Variants in NCAM2 observed in about 807,000 individuals in gnomAD.
NCAM2 encodes the protein neural cell adhesion molecule 2, also known as N-CAM-2.
In NCAM2, 30 loss-of-function variants were observed where a neutral mutation model predicts 98.1. The observed-to-expected ratio is 0.31, with a 90% CI of 0.23 to 0.41. The LOEUF is 0.41. Ranked by LOEUF, NCAM2 falls within the 10% of genes least tolerant of loss-of-function variation. The pLI, the probability that NCAM2 is intolerant of heterozygous loss-of-function variation, is 1.00. For missense variants in NCAM2, 867 were observed against 1,005.8 expected (o/e 0.86, Z 1.87); for synonymous variants, 368 against 342.4 (o/e 1.07, Z -0.83).
chr21:21,526,602 T>C (rs1989335858), intron 16 of NCAM2, among the ~76,000 whole-genome samples: 1 of 152,052 alleles, frequency 6.6e-6, no homozygotes, highest in Non-Finnish European at 1.5e-5. Context: ...CACAAGTCAT[T>C]ATATGAATAT....
At chr21:21,302,470 T>C (rs915198256) in intron 5 of NCAM2, among the ~76,000 whole-genome samples, 1 of 152,066 alleles carries the variant, frequency 6.6e-6, no homozygotes, top group African/African-American at 2.4e-5. Context: ...ATGTGTCTGT[T>C]TTTTCTGTAC....
chr21:21,144,657 C>T (rs910689449), intron 1 of NCAM2, among the ~76,000 whole-genome samples: 1 of 151,906 alleles, frequency 6.6e-6, no homozygotes, highest in Non-Finnish European at 1.5e-5. Flanking sequence ...CTTTGAATTC[C>T]CCTTGAAATA....
intron 10 of NCAM2, among the ~76,000 whole-genome samples, chr21:21,415,717 T>C (rs778380092): frequency 3.3e-5 from 5 of 152,186 alleles, no homozygotes; most frequent in Non-Finnish European, 5.9e-5. Flanking sequence ...GTTATAAAGA[T>C]GGCTTCTTCC....
At chr21:21,005,447 A>G (rs898016520) in intron 1 of NCAM2, among the ~76,000 whole-genome samples, 2 of 152,192 alleles carry the variant, frequency 1.3e-5, no homozygotes, top group African/African-American at 4.8e-5. Context: ...ATTTTCAGTA[A>G]TTTTTAACTT....
chr21:21,020,227 G>A (rs1164839781), intron 1 of NCAM2, among the ~76,000 whole-genome samples: 1 of 152,066 alleles, frequency 6.6e-6, no homozygotes, highest in African/African-American at 2.4e-5. Flanking sequence ...GAAGAGATGG[G>A]GTTTCACCGT....
chr21:21,204,530 G>A (rs1020209652), intron 1 of NCAM2, among the ~76,000 whole-genome samples: 1 of 152,154 alleles, frequency 6.6e-6, no homozygotes, highest in African/African-American at 2.4e-5. Flanking sequence ...GCTTTTTAAG[G>A]CTGAAAAGAA....
chr21:21,206,364 T>G (rs1951033346), intron 1 of NCAM2, among the ~76,000 whole-genome samples: 1 of 152,168 alleles, frequency 6.6e-6, no homozygotes, highest in African/African-American at 2.4e-5. Context: ...CTTCAAAAAC[T>G]TATTTAAATT....
At chr21:21,259,593 G>A (rs1601791849) in intron 1 of NCAM2, among the ~76,000 whole-genome samples, 1 of 152,060 alleles carries the variant, frequency 6.6e-6, no homozygotes, top group East Asian at 1.9e-4. Context: ...CTGAACTGGA[G>A]CCCAAAATTC....
intron 1 of NCAM2, among the ~76,000 whole-genome samples, chr21:21,119,676 G>A (rs989335848): frequency 6.6e-6 from 1 of 151,428 alleles, no homozygotes; most frequent in African/African-American, 2.4e-5. Flanking sequence ...AAGAAGATTT[G>A]TTTATGAAGT....
intron 9 of NCAM2, among the ~76,000 whole-genome samples, chr21:21,393,589 G>T (rs1264247476): frequency 6.6e-6 from 1 of 151,886 alleles, no homozygotes; most frequent in African/African-American, 2.4e-5. Context: ...ATTTTATTTG[G>T]ATATATGCAG....
intron 15 of NCAM2, among the ~76,000 whole-genome samples, chr21:21,498,690 G>A (rs1033210591): frequency 6.6e-6 from 1 of 152,220 alleles, no homozygotes; most frequent in East Asian, 1.9e-4. Flanking sequence ...CAGAGTAAAA[G>A]ATTAGAACAC....
chr21:21,335,809 AC>A, intron 7 of NCAM2, 144 bp downstream of exon 7: 1 of 777,842 alleles, frequency 1.3e-6, no homozygotes, highest in Non-Finnish European at 1.8e-6. Context: ...AATTTCAGCT[AC>A]CAGATAGAAT....
At chr21:21,352,025 C>A (rs1337583803) in intron 8 of NCAM2, among the ~76,000 whole-genome samples, 2 of 151,872 alleles carry the variant, frequency 1.3e-5, no homozygotes, top group Non-Finnish European at 2.9e-5. Flanking sequence ...GCTGGGATTG[C>A]AGGCTCTCAT....
At chr21:21,511,914 A>G (rs1327187638) in intron 16 of NCAM2, among the ~76,000 whole-genome samples, 2 of 151,976 alleles carry the variant, frequency 1.3e-5, no homozygotes, top group African/African-American at 4.8e-5. Flanking sequence ...ATGTCTATCC[A>G]GATCACTTGC....
intron 12 of NCAM2, among the ~76,000 whole-genome samples, chr21:21,453,015 A>ATAT (rs1981533862): frequency 9.4e-6 from 1 of 106,198 alleles, no homozygotes; most frequent in African/African-American, 3.8e-5. Flanking sequence ...TAATATATAA[A>ATAT]AATATATAAT....
At chr21:21,230,170 G>GA (rs1020488384) in intron 1 of NCAM2, among the ~76,000 whole-genome samples, 6 of 149,456 alleles carry the variant, frequency 4.0e-5, no homozygotes, top group African/African-American at 9.8e-5. Flanking sequence ...TTTGCAAAAA[G>GA]AAAAAAAATA....
At chr21:21,043,526 T>G (rs2064945940) in intron 1 of NCAM2, among the ~76,000 whole-genome samples, 1 of 151,754 alleles carries the variant, frequency 6.6e-6, no homozygotes, top group Admixed American at 6.5e-5. Flanking sequence ...ACAAAAATTA[T>G]TTTTGAAGAA....
rs79562644 is a variant in NCAM2, at chr21:21,399,255, C to G, written c.1196-11019C>G. On this transcript the variant is annotated intron_variant, in intron 9 of 17. Coordinates refer to ENST00000400546, the MANE Select transcript of NCAM2 (RefSeq NM_004540.5). ...GTATTATGAGCGTTATTAAATTATT[C>G]TAGCCTCCATGTAAGAATGGATAAA... Among the ~76,000 whole-genome samples the G allele has an allele frequency of 7.7e-3, 1,180 of 152,260 alleles. 15 individuals are homozygous for G. Among genetic ancestry groups the G allele is most frequent in the African/African-American group, 0.027 (1,132 of 41,556 alleles).
rs908699795 is a variant in NCAM2 at position 21,370,979 on chromosome 21, A to C, written c.1045-2884A>C. On this transcript the variant is annotated intron_variant, in intron 8 of 17. Coordinates refer to ENST00000400546, the MANE Select transcript of NCAM2 (RefSeq NM_004540.5). ...AAGAGAAAGACAGGAGGACCTAATA[A>C]GAAAACTACCTAAGTGAAGAACTTT... Among the ~76,000 whole-genome samples, 6 of 152,004 alleles carry C rather than the reference A, an allele frequency of 3.9e-5. No individual in the cohort carries two copies. The South Asian group carries it at 1.2e-3, about 32-fold the overall frequency.
Sources: gnomAD v4.1 joint callset for allele counts (sites outside exome capture counted in the v4.1 genomes callset) on GRCh38, gnomAD v4.1.1 for gene constraint, MANE v1.5 for transcripts, NCBI Gene and HGNC (gene_info 2026-07-23, HGNC 2026-07-21) for gene names.